TMCC1: variants seen among roughly 807,000 people sequenced by gnomAD.
TMCC1 encodes transmembrane and coiled-coil domain family 1.
A neutral mutation model predicts 52.4 loss-of-function variants in TMCC1; 15 were observed. The ratio of observed to expected loss-of-function variants is 0.29; its 90% CI spans 0.19 to 0.44. The LOEUF (loss-of-function observed/expected upper bound fraction) is 0.44. Among genes scored for constraint, TMCC1 ranks in the 20% least tolerant of loss-of-function variants. TMCC1 has a pLI of 1.00. For synonymous variants in TMCC1, 279 were observed against 301.9 expected (o/e 0.92, Z 0.79); for missense variants, 503 against 806.0 (o/e 0.62, Z 4.55).
In TMCC1 at chr3:129,827,836, T is replaced by TGCAGCA. The variant is rs759420997; in HGVS notation, c.537_542dup (p.Ala180_Ala181dup). 1.0e-5 allele frequency: 16 copies of TGCAGCA among 1,601,054 alleles called. No homozygotes were observed. Among genetic ancestry groups the TGCAGCA allele is most frequent in the African/African-American group, 1.3e-5 (1 of 74,234 alleles). ...CAGTTCCCTCCTCTCCTGGTAGACA[T>TGCAGCA]GCAGCAGCAGCAGCAGCAGCAGCAC... On this transcript the variant is annotated inframe_insertion, in exon 4 of 7. Coordinates refer to ENST00000393238, the MANE Select transcript of TMCC1 (RefSeq NM_001017395.5).
Position 129,707,103 on chromosome 3 carries a change from C to T in TMCC1, c.577-35839G>A, listed in dbSNP as rs186655975. ...AAGTTGGTGATGAGAAAATACCCCTCATATACTGTTGCCATCTGTTTACAT... is the reference window on the plus strand; with the variant it reads ...AAGTTGGTGATGAGAAAATACCCCTTATATACTGTTGCCATCTGTTTACAT... On this transcript the variant is annotated intron_variant, in intron 4 of 6. Transcript: ENST00000393238. 5.3e-5 allele frequency among the ~76,000 whole-genome samples: 8 copies of T among 152,324 alleles called. No individual in the cohort carries two copies. In the East Asian group the frequency reaches 1.3e-3, roughly 26 times the overall value.
At chr3:129,775,704 A>G (rs543302283) in intron 4 of TMCC1, among the ~76,000 whole-genome samples, 1 of 152,314 alleles carries the variant, frequency 6.6e-6, no homozygotes, top group East Asian at 1.9e-4. Context: ...CATTCAATCC[A>G]TTACCAAATC....
At chr3:129,776,583 G>A (rs1481254443) in intron 4 of TMCC1, among the ~76,000 whole-genome samples, 1 of 152,192 alleles carries the variant, frequency 6.6e-6, no homozygotes, top group African/African-American at 2.4e-5. Flanking sequence ...AGGAAAATCA[G>A]AAAAGTTTCC....
rs2062003214 is a variant in TMCC1, at chr3:129,892,261, G to C, written c.-435+1233C>G. 2.0e-5 allele frequency among the ~76,000 whole-genome samples: 3 copies of C among 152,192 alleles called. No homozygotes were observed. The South Asian group carries it at 6.2e-4, about 31-fold the overall frequency. ...TTAAAAGGTTACCACCCACAGACCA[G>C]AAGCAGCTTTTTAATCTTTCTACAC... On this transcript the variant is annotated intron_variant, in intron 1 of 6. Coordinates refer to ENST00000393238, the MANE Select transcript of TMCC1 (RefSeq NM_001017395.5).
intron 4 of TMCC1, among the ~76,000 whole-genome samples, chr3:129,726,744 T>C (rs1228463453): frequency 1.3e-5 from 2 of 150,118 alleles, no homozygotes; most frequent in Non-Finnish European, 3.0e-5. Flanking sequence ...CTGGGTGAGG[T>C]GGCGCACACC....
intron 2 of TMCC1, among the ~76,000 whole-genome samples, chr3:129,865,716 T>C (rs186410741): frequency 1.0e-3 from 158 of 152,232 alleles, no homozygotes; most frequent in African/African-American, 3.4e-3. Context: ...AGGGAAGACA[T>C]GTTTCAGAAG....
chr3:129,698,762 G>C (rs753595586), intron 4 of TMCC1, among the ~76,000 whole-genome samples: 1 of 151,962 alleles, frequency 6.6e-6, no homozygotes, highest in South Asian at 2.1e-4. Flanking sequence ...ATATTTTTAC[G>C]TTTTTAAGGA....
chr3:129,827,388 G>A lies in TMCC1; in HGVS notation c.576+415C>T, dbSNP rs77646070. Among the ~76,000 whole-genome samples the A allele has an allele frequency of 1.1e-3, 175 of 152,284 alleles. 1 individual carries two copies. The Middle Eastern group carries it at 0.014, about 12-fold the overall frequency. ...ATATGAAAATTATAACCAACTTAGT[G>A]TACTTCCATGGTAAGCACAAACTCA... is the stretch of plus-strand genomic sequence containing the variant. On this transcript the variant is annotated intron_variant, in intron 4 of 6. Transcript: ENST00000393238.
intron 1 of TMCC1, among the ~76,000 whole-genome samples, chr3:129,891,640 T>C (rs1442221963): frequency 2.0e-5 from 3 of 152,236 alleles, no homozygotes; most frequent in Non-Finnish European, 4.4e-5. Context: ...TTGTTGTATA[T>C]TCCTCATTCC....
chr3:129,762,559 G>A (rs922583619), intron 4 of TMCC1, among the ~76,000 whole-genome samples: 15 of 152,024 alleles, frequency 9.9e-5, no homozygotes, highest in African/African-American at 2.7e-4. Flanking sequence ...AGGTCAAGGC[G>A]GGAGAACTGC....
At chr3:129,698,497 A>G (rs2047577638) in intron 4 of TMCC1, among the ~76,000 whole-genome samples, 1 of 152,154 alleles carries the variant, frequency 6.6e-6, no homozygotes, top group Non-Finnish European at 1.5e-5. Context: ...GAGAATATAA[A>G]TCTCTTTGAG....
At chr3:129,714,012 CCT>C (rs1291266723) in intron 4 of TMCC1, among the ~76,000 whole-genome samples, 1 of 152,076 alleles carries the variant, frequency 6.6e-6, no homozygotes, top group African/African-American at 2.4e-5. Flanking sequence ...ATGAAAAGCC[CCT>C]GTTTCTAGGG....
At chr3:129,688,632 G>A (rs2089586859) in intron 4 of TMCC1, 2 of 985,442 alleles carry the variant, frequency 2.0e-6, no homozygotes, top group East Asian at 2.3e-4. Context: ...CTATATCTGG[G>A]AGCCTAGGAG....
At chr3:129,695,078 CAG>C (rs2047299918) in intron 4 of TMCC1, among the ~76,000 whole-genome samples, 1 of 105,090 alleles carries the variant, frequency 9.5e-6, no homozygotes, top group Non-Finnish European at 1.7e-5. Context: ...GCCTGGGCGA[CAG>C]AGCGAGACTC....
chr3:129,834,773 C>T (rs2059079080), intron 2 of TMCC1, among the ~76,000 whole-genome samples: 1 of 152,118 alleles, frequency 6.6e-6, no homozygotes, highest in African/African-American at 2.4e-5. Context: ...ACAGGAATTC[C>T]TCATACCATT....
chr3:129,862,813 T>C (rs534248802), intron 2 of TMCC1, among the ~76,000 whole-genome samples: 2 of 152,364 alleles, frequency 1.3e-5, no homozygotes, highest in East Asian at 3.9e-4. Context: ...AATGTCTACG[T>C]GGAAAAATAT....
chr3:129,870,759 C>CAAAAAAAAAAAAAAA (rs61673201), intron 2 of TMCC1, among the ~76,000 whole-genome samples: 1 of 10,678 alleles, frequency 9.4e-5, no homozygotes, highest in African/African-American at 1.8e-4. Context: ...GACTCCATCT[C>CAAAAAAAAAAAAAAA]AAAAAAAAAA....
At chr3:129,673,895 G>A (rs1350025267) in intron 4 of TMCC1, among the ~76,000 whole-genome samples, 1 of 151,750 alleles carries the variant, frequency 6.6e-6, no homozygotes, top group Non-Finnish European at 1.5e-5. Context: ...ATGACATTTC[G>A]GTCAATGATG....
intron 2 of TMCC1, among the ~76,000 whole-genome samples, chr3:129,874,450 G>A (rs557323276): frequency 8.3e-4 from 126 of 152,312 alleles, no homozygotes; most frequent in Non-Finnish European, 1.4e-3. Flanking sequence ...GTTCACACCT[G>A]TAATCCCAGC....
Sources: gnomAD v4.1 joint callset for allele counts (sites outside exome capture counted in the v4.1 genomes callset) on GRCh38, gnomAD v4.1.1 for gene constraint, MANE v1.5 for transcripts, NCBI Gene and HGNC (gene_info 2026-07-23, HGNC 2026-07-21) for gene names.